The following MYCN variants were observed in gnomAD, a reference collection of about 807,000 sequenced individuals.
The protein encoded by MYCN is N-myc proto-oncogene protein.
A neutral mutation model predicts 28.1 loss-of-function variants in MYCN; 3 were observed. The observed-to-expected ratio is 0.11, with a 90% confidence interval of 0.05 to 0.28. The LOEUF is 0.28. MYCN is among the 10% of genes least tolerant of loss of function. The pLI is 1.00. For synonymous variants in MYCN, 326 were observed against 288.3 expected, an observed-to-expected ratio of 1.13 and a Z score of -1.32; for missense variants, 572 against 651.4, an observed-to-expected ratio of 0.88 and a Z score of 1.33.
Position 15,945,171 on chromosome 2 carries a change from T to G in MYCN, c.791-322T>G, listed in dbSNP as rs1662827620. Among the ~76,000 whole-genome samples, 1 of 152,022 alleles carries G rather than the reference T, an allele frequency of 6.6e-6. No homozygotes were observed. Among genetic ancestry groups the G allele is most frequent in the Non-Finnish European group, 1.5e-5 (1 of 68,020 alleles). Reference sequence around the variant, plus strand: ...CATGCCACCACACCCAGCAAAGTTTTGTATTTTTAGTAGAGACAGGGTTTC... The same window carrying G: ...CATGCCACCACACCCAGCAAAGTTTGGTATTTTTAGTAGAGACAGGGTTTC... On this transcript the variant is annotated intron_variant, in intron 2 of 2. Coordinates refer to ENST00000281043, the MANE Select transcript of MYCN (RefSeq NM_005378.6). The surrounding 1 kb of genome is among the most constrained non-coding windows in gnomAD (Gnocchi z 4.8).
intron 2 of MYCN, among the ~76,000 whole-genome samples, chr2:15,944,342 A>G (rs770761430): frequency 6.6e-6 from 1 of 152,156 alleles, no homozygotes; most frequent in Non-Finnish European, 1.5e-5. Flanking sequence ...TGCGCACATG[A>G]TGCTACACGT....
chr2:15,946,702 C>T lies in MYCN; in HGVS notation c.*605C>T, dbSNP rs977557063. ...ACACTGCCTGTATACTTTAGTATGA[C>T]GCTGATACATAACTAAATTTGATAC... On this transcript the variant is annotated 3_prime_UTR_variant, in exon 3 of 3. Transcript: ENST00000281043. 8.2e-5 allele frequency: 19 copies of T among 231,238 alleles called. No homozygotes were observed. Among genetic ancestry groups the T allele is most frequent in the Non-Finnish European group, 1.3e-4 (15 of 116,812 alleles). 14.3% of individuals were successfully genotyped at this position (231,238 alleles called of 1,614,324 possible).
rs2103326288 is a variant in MYCN at position 15,942,819 on chromosome 2, T to C, written c.755T>C (p.Leu252Pro). The C allele has an allele frequency of 6.4e-7, 1 of 1,564,960 alleles. No homozygotes were observed. The highest frequency in any genetic ancestry group is 8.6e-7 in the Non-Finnish European group (1 of 1,162,264). ...RQTSGGDHKA[L>P]STSGEDTLSD... ...ACCAGCGGCGGCGACCACAAGGCCC[T>C]CAGTACCTCCGGAGAGGACACCCTG... The change falls in exon 2 of 3, where the codon CTC becomes CCC. Residue 252 changes from leucine (L) to proline (P), a missense_variant. By Grantham distance (98) the Leu-to-Pro change is moderately conservative. Around this residue, in one of 3 missense-constraint regions of MYCN, gnomAD observed 499 missense variants for 524.3 expected, o/e 0.95. Transcript: ENST00000281043. The surrounding 1 kb of genome is among the most constrained non-coding windows in gnomAD (Gnocchi z 7.0).
rs1440842828 is a variant in MYCN at position 15,940,738 on chromosome 2, C to A, written c.-123C>A. 1 of 256,996 alleles carries A rather than the reference C, an allele frequency of 3.9e-6. No homozygotes were observed. 15.9% of individuals were successfully genotyped at this position (256,996 alleles called of 1,614,324 possible). A position where few individuals can be genotyped will look rare whatever the true frequency, so the allele number is the denominator to read the frequency against. On this transcript the variant is annotated 5_prime_UTR_variant, in exon 1 of 3. Transcript: ENST00000281043. ...TCGCCTCCGGATCCCCTGCAGTCGG[C>A]GGGAGGTAAGGAGCAGGGCTTGCAA...
At position 15,942,391 on chromosome 2, in the gene MYCN, G is replaced by T; in HGVS notation, c.327G>T (p.Pro109=). Residue 109 remains proline (P), a synonymous_variant, in exon 2 of 3, where the codon CCG becomes CCT. Transcript: ENST00000281043. This position sits in a 1 kb window ranked among gnomAD's most constrained non-coding sequence, Gnocchi z 7.0. Reference sequence around the variant, plus strand: ...GACTGGGTGGCCTCACCCCCAACCCGGTCATCCTCCAGGACTGCATGTGGA... The same window carrying T: ...GACTGGGTGGCCTCACCCCCAACCCTGTCATCCTCCAGGACTGCATGTGGA... ...LGGLGGLTPN[P]VILQDCMWSG... The T allele has an allele frequency of 6.2e-7, 1 of 1,607,546 alleles. No individual in the cohort carries two copies.
rs201114632 is a variant in MYCN at position 15,945,764 on chromosome 2, G to A, written c.1062G>A (p.Ala354=). 403 of 1,613,926 alleles carry A rather than the reference G, an allele frequency of 2.5e-4. No homozygotes were observed. Among genetic ancestry groups the A allele is most frequent in the Admixed American group, 1.6e-3 (97 of 59,992 alleles). The change falls in exon 3 of 3, where the codon GCG becomes GCA. Residue 354 remains alanine, a synonymous_variant. Coordinates refer to ENST00000281043, the MANE Select transcript of MYCN (RefSeq NM_005378.6). This position sits in a 1 kb window ranked among gnomAD's most constrained non-coding sequence, Gnocchi z 4.8. Reference sequence around the variant, plus strand: ...CACAGAAGAAGATAAAGAGCGAGGCGTCCCCACGTCCGCTCAAGAGTGTCA... The same window carrying A: ...CACAGAAGAAGATAAAGAGCGAGGCATCCCCACGTCCGCTCAAGAGTGTCA... ...APPQKKIKSE[A]SPRPLKSVIP...
chr2:15,945,733 C>T lies in MYCN; in HGVS notation c.1031C>T (p.Ala344Val), dbSNP rs756266477. The change falls in exon 3 of 3, where the codon GCA becomes GTA. Residue 344 changes from alanine (A) to valine (V), a missense_variant. Coordinates refer to ENST00000281043, the MANE Select transcript of MYCN (RefSeq NM_005378.6). The surrounding 1 kb of genome is among the most constrained non-coding windows in gnomAD (Gnocchi z 4.8). ...APSPYVESED[A>V]PPQKKIKSEA... ...TCTCCCTACGTGGAGAGTGAGGATG[C>T]ACCCCCACAGAAGAAGATAAAGAGC... 1.1e-5 allele frequency: 18 copies of T among 1,613,962 alleles called. No homozygotes were observed. The highest frequency in any genetic ancestry group is 1.5e-5 in the Non-Finnish European group (18 of 1,179,986).
chr2:15,945,148 T>C lies in MYCN; in HGVS notation c.791-345T>C, dbSNP rs4669017. On this transcript the variant is annotated intron_variant, in intron 2 of 2. Transcript: ENST00000281043. This position sits in a 1 kb window ranked among gnomAD's most constrained non-coding sequence, Gnocchi z 4.8. ...CCGAGTAGCTGGGATTACCGGAGCA[T>C]GCCACCACACCCAGCAAAGTTTTGT... Among the ~76,000 whole-genome samples the C allele has an allele frequency of 0.38, 56,967 of 151,518 alleles. 11,962 individuals are homozygous for C. Among genetic ancestry groups the C allele is most frequent in the East Asian group, 0.75 (3,821 of 5,110 alleles).
rs576279393 is a variant in MYCN, at chr2:15,945,174, A to G, written c.791-319A>G. Among the ~76,000 whole-genome samples the G allele has an allele frequency of 1.6e-4, 25 of 151,856 alleles. No individual in the cohort carries two copies. Among genetic ancestry groups the G allele is most frequent in the Non-Finnish European group, 3.4e-4 (23 of 67,980 alleles). The stretch of plus-strand genomic sequence containing the variant: ...GCCACCACACCCAGCAAAGTTTTGT[A>G]TTTTTAGTAGAGACAGGGTTTCACC... On this transcript the variant is annotated intron_variant, in intron 2 of 2. Transcript: ENST00000281043. This position sits in a 1 kb window ranked among gnomAD's most constrained non-coding sequence, Gnocchi z 4.8.
At chr2:15,943,853 C>T (rs1662788715) in intron 2 of MYCN, among the ~76,000 whole-genome samples, 1 of 152,156 alleles carries the variant, frequency 6.6e-6, no homozygotes, top group African/African-American at 2.4e-5. Flanking sequence ...CCAAGCCTTT[C>T]CCTGGGGGTC....
Position 15,942,905 on chromosome 2 carries a change from G to T in MYCN, c.790+51G>T, listed in dbSNP as rs893535411. ...GCCTCCCTGGGGCACTGGACCCCGGGTCGCGTCCCCTTTGTTAGTGCTCGT... is the reference window on the plus strand; with the variant it reads ...GCCTCCCTGGGGCACTGGACCCCGGTTCGCGTCCCCTTTGTTAGTGCTCGT... On this transcript the variant is annotated intron_variant, in intron 2 of 2. Transcript: ENST00000281043. The surrounding 1 kb of genome is among the most constrained non-coding windows in gnomAD (Gnocchi z 7.0). The T allele has an allele frequency of 4.2e-5, 64 of 1,540,460 alleles. No homozygotes were observed. The highest frequency in any genetic ancestry group is 5.5e-5 in the Non-Finnish European group (63 of 1,145,938).
intron 2 of MYCN, among the ~76,000 whole-genome samples, chr2:15,944,066 C>T (rs1384335870): frequency 6.6e-6 from 1 of 152,094 alleles, no homozygotes; most frequent in African/African-American, 2.4e-5. Context: ...CGGCTCTGTC[C>T]CTTTAATGTC....
rs781383863 is a variant in MYCN at position 15,945,632 on chromosome 2, C to T, written c.930C>T (p.Pro310=). 5.6e-5 allele frequency: 90 copies of T among 1,614,168 alleles called. No homozygotes were observed. The highest frequency in any genetic ancestry group is 3.2e-4 in the South Asian group (29 of 91,076). The part of the protein sequence containing the change: ...TVRPKNAALG[P]GRAQSSELIL... The stretch of plus-strand genomic sequence containing the variant: ...GTCCCAAGAACGCAGCCCTGGGTCC[C>T]GGGAGGGCTCAGTCCAGCGAGCTGA... The change falls in exon 3 of 3, where the codon CCC becomes CCT. Residue 310 remains proline, a synonymous_variant. Transcript: ENST00000281043. This position sits in a 1 kb window ranked among gnomAD's most constrained non-coding sequence, Gnocchi z 4.8.
At chr2:15,940,987 G>A in intron 1 of MYCN, 2 of 383,046 alleles carry the variant, frequency 5.2e-6, no homozygotes, top group East Asian at 3.7e-5. Flanking sequence ...GGGGAGTAAT[G>A]GCTTCTGCGA....
intron 2 of MYCN, among the ~76,000 whole-genome samples, chr2:15,944,630 G>T (rs1043118039): frequency 6.6e-6 from 1 of 152,196 alleles, no homozygotes; most frequent in African/African-American, 2.4e-5. Flanking sequence ...CTCTTTAAGT[G>T]TGGAGCTAGA....
chr2:15,945,350 C>T lies in MYCN; in HGVS notation c.791-143C>T, dbSNP rs1662832835. ...TCTAAAACAAATACAAAACTGTCCA[C>T]ATCTATGTTGATGGACCCATAAAAA... On this transcript the variant is annotated intron_variant, in intron 2 of 2. Transcript: ENST00000281043. The surrounding 1 kb of genome is among the most constrained non-coding windows in gnomAD (Gnocchi z 4.8). 1.1e-6 allele frequency: 1 copy of T among 929,476 alleles called. No individual in the cohort carries two copies. The highest frequency in any genetic ancestry group is 1.6e-5 in the African/African-American group (1 of 60,798). The allele number at this position is 929,476 out of a possible 1,614,324, so 57.6% of individuals were successfully genotyped here.
chr2:15,942,971 G>T lies in MYCN; in HGVS notation c.790+117G>T. 1 of 1,298,798 alleles carries T rather than the reference G, an allele frequency of 7.7e-7. No individual in the cohort carries two copies. The allele number at this position is 1,298,798 out of a possible 1,614,324, so 80.5% of individuals were successfully genotyped here. ...GAGCATTTTGGAGGCAGTGCTAGGG[G>T]CAGAGAGGTCCTGTTTCCCCCAAGT... is the stretch of plus-strand genomic sequence containing the variant. On this transcript the variant is annotated intron_variant, in intron 2 of 2. Transcript: ENST00000281043. This position sits in a 1 kb window ranked among gnomAD's most constrained non-coding sequence, Gnocchi z 7.0.
chr2:15,944,679 T>C (rs1415858533), intron 2 of MYCN, among the ~76,000 whole-genome samples: 3 of 152,222 alleles, frequency 2.0e-5, no homozygotes, highest in Non-Finnish European at 4.4e-5. Flanking sequence ...GTGATTATGA[T>C]AAAAGCTACC....
rs936108797 is a variant in MYCN, at chr2:15,942,484, G to A, written c.420G>A (p.Pro140=). Residue 140 remains proline, a synonymous_variant, in exon 2 of 3, where the codon CCG becomes CCA. Coordinates refer to ENST00000281043, the MANE Select transcript of MYCN (RefSeq NM_005378.6). The surrounding 1 kb of genome is among the most constrained non-coding windows in gnomAD (Gnocchi z 7.0). ...VSEKLQHGRG[P]PTAGSTAQSP... is the part of the protein sequence containing the mutation. ...AGAAGCTGCAGCACGGCCGCGGGCC[G>A]CCAACCGCCGGTTCCACCGCCCAGT... 3.2e-6 allele frequency: 5 copies of A among 1,551,600 alleles called. No homozygotes were observed. The highest frequency in any genetic ancestry group is 4.7e-5 in the East Asian group (2 of 42,354).
Sources: gnomAD v4.1 joint callset for allele counts (sites outside exome capture counted in the v4.1 genomes callset) on GRCh38, gnomAD v4.1.1 for gene constraint, gnomAD v4.1.1 regional missense constraint, Gnocchi (gnomAD v3.1) non-coding constraint, MANE v1.5 for transcripts, NCBI Gene and HGNC (gene_info 2026-07-23, HGNC 2026-07-21) for gene names.